MAGT1: variants seen among roughly 807,000 people sequenced by gnomAD.
The protein encoded by MAGT1 is dolichyl-diphosphooligosaccharide--protein glycosyltransferase subunit MAGT1.
A neutral mutation model predicts 28.4 loss-of-function variants in MAGT1; 4 were observed. The ratio of observed to expected loss-of-function variants is 0.14; its 90% CI spans 0.07 to 0.32. The LOEUF (loss-of-function observed/expected upper bound fraction) is 0.32. Ranked by LOEUF, MAGT1 falls within the 10% of genes least tolerant of loss-of-function variation. MAGT1 has a pLI of 1.00. For missense variants in MAGT1, 193 were observed against 264.5 expected, an observed-to-expected ratio of 0.73 and a Z score of 1.88; for synonymous variants, 89 against 89.7, an observed-to-expected ratio of 0.99 and a Z score of 0.04.
chrX:77,868,138 G>T (rs933769820), intron 3 of MAGT1: 1 of 66,708 alleles, frequency 1.5e-5, no homozygotes, highest in Admixed American at 2.0e-4. Context: ...GTTTAATTTG[G>T]GATATAATAA....
At chrX:77,858,849 T>A (rs1425922194) in intron 3 of MAGT1, among the ~76,000 whole-genome samples, 1 of 112,020 alleles carries the variant, frequency 8.9e-6, no homozygotes, top group Non-Finnish European at 1.9e-5. Flanking sequence ...GCCCAAATTT[T>A]AGGCCAAACT....
chrX:77,880,833 C>A lies in MAGT1; in HGVS notation c.103-5236G>T, dbSNP rs781816113. Among the ~76,000 whole-genome samples the A allele has an allele frequency of 2.8e-5, 3 of 108,306 alleles. No individual in the cohort carries two copies. The South Asian group carries it at 1.2e-3, about 44-fold the overall frequency. The allele number at this position is 108,306 out of a possible 115,157, so 94.1% of individuals were successfully genotyped here. A position where few individuals can be genotyped will look rare whatever the true frequency, so the allele number is the denominator to read the frequency against. Reference sequence around the variant, plus strand: ...GTTAGCTGGGCGTGGTGGCACATGTCTGTAGTCCCAGCTACCGGGGAGGCT... The same window carrying A: ...GTTAGCTGGGCGTGGTGGCACATGTATGTAGTCCCAGCTACCGGGGAGGCT... On this transcript the variant is annotated intron_variant, in intron 1 of 9. Coordinates refer to ENST00000618282, the MANE Select transcript of MAGT1 (RefSeq NM_001367916.1).
intron 1 of MAGT1, among the ~76,000 whole-genome samples, chrX:77,877,811 TCAAAATAAAA>T (rs1226546961): frequency 2.5e-5 from 2 of 81,041 alleles, no homozygotes; most frequent in African/African-American, 8.8e-5. Context: ...AGACTCTGTC[TCAAAATAAAA>T]TAAAATAAAA....
intron 5 of MAGT1, among the ~76,000 whole-genome samples, chrX:77,856,071 A>C (rs1408713432): frequency 9.0e-6 from 1 of 111,329 alleles, no homozygotes; most frequent in Non-Finnish European, 1.9e-5. Flanking sequence ...CCTGGCCAGG[A>C]AAACACTATT....
chrX:77,862,348 A>G (rs1022374091), intron 3 of MAGT1, among the ~76,000 whole-genome samples: 2 of 111,645 alleles, frequency 1.8e-5, no homozygotes, highest in Non-Finnish European at 3.8e-5. Context: ...AAACAAAAAT[A>G]GACAAATGGG....
intron 7 of MAGT1, among the ~76,000 whole-genome samples, chrX:77,850,484 A>AGGGGGG (rs35120738): frequency 5.9e-5 from 2 of 33,931 alleles, no homozygotes; most frequent in East Asian, 2.0e-3. Flanking sequence ...CAAAAAAAAA[A>AGGGGGG]GGGGGGGGGG....
chrX:77,850,484 A>G (rs1358398816), intron 7 of MAGT1, among the ~76,000 whole-genome samples: 16 of 33,929 alleles, frequency 4.7e-4, no homozygotes, highest in East Asian at 4.0e-3. Context: ...CAAAAAAAAA[A>G]GGGGGGGGGG....
chrX:77,890,860 A>G (rs2077080227), intron 1 of MAGT1, among the ~76,000 whole-genome samples: 1 of 111,454 alleles, frequency 9.0e-6, no homozygotes, highest in African/African-American at 3.3e-5. Flanking sequence ...TTGGGGGTGG[A>G]TTAAAGCATA....
At chrX:77,888,370 T>A (rs1369042128) in intron 1 of MAGT1, among the ~76,000 whole-genome samples, 4 of 111,249 alleles carry the variant, frequency 3.6e-5, no homozygotes, top group Non-Finnish European at 3.8e-5. Flanking sequence ...TTAAAGTCTT[T>A]CTCTTCTCTT....
chrX:77,873,482 G>A (rs1464637721), intron 2 of MAGT1, among the ~76,000 whole-genome samples: 1 of 112,247 alleles, frequency 8.9e-6, no homozygotes, highest in African/African-American at 3.2e-5. Context: ...ACACTAAAAA[G>A]CAAAAGCTAT....
In MAGT1 at chrX:77,853,334, A is replaced by G. The variant is rs781935175; in HGVS notation, c.826+567T>C. Among the ~76,000 whole-genome samples the G allele has an allele frequency of 8.9e-5, 10 of 112,357 alleles. No individual in the cohort carries two copies. The South Asian group carries it at 3.7e-3, about 41-fold the overall frequency. ...ATAGACTTCTTGCAATTATATGAGT[A>G]AAAATGAAATATTCTTGCTTGGCAG... On this transcript the variant is annotated intron_variant, in intron 7 of 9. Coordinates refer to ENST00000618282, the MANE Select transcript of MAGT1 (RefSeq NM_001367916.1).
At chrX:77,862,281 T>G (rs1603362274) in intron 3 of MAGT1, among the ~76,000 whole-genome samples, 1 of 111,020 alleles carries the variant, frequency 9.0e-6, no homozygotes, top group Non-Finnish European at 1.9e-5. Context: ...AGCTCTAAAA[T>G]AGAGTAATGG....
intron 9 of MAGT1, 65 bp downstream of exon 9, chrX:77,830,740 C>T: frequency 1.8e-6 from 1 of 561,838 alleles, no homozygotes; most frequent in Non-Finnish European, 2.8e-6. Context: ...TATTATAAAG[C>T]AATATCAACT....
intron 7 of MAGT1, among the ~76,000 whole-genome samples, chrX:77,843,380 G>A (rs1347064450): frequency 2.7e-5 from 3 of 111,395 alleles, no homozygotes; most frequent in Non-Finnish European, 3.8e-5. Context: ...AGGACTACAG[G>A]TGCATACCAC....
chrX:77,855,668 T>C, intron 5 of MAGT1, 78 bp from the exon 6 acceptor site: 1 of 749,036 alleles, frequency 1.3e-6, no homozygotes, highest in Non-Finnish European at 2.0e-6. Context: ...TATGAAAATG[T>C]GCATCTGTTT....
intron 8 of MAGT1, among the ~76,000 whole-genome samples, chrX:77,838,757 CG>C (rs2076926889): frequency 1.1e-5 from 1 of 88,553 alleles, no homozygotes. Flanking sequence ...GACTCCGTCT[CG>C]AAAAAAAAAA....
At chrX:77,843,236 T>A (rs1039013956) in intron 7 of MAGT1, among the ~76,000 whole-genome samples, 12 of 111,618 alleles carry the variant, frequency 1.1e-4, no homozygotes, top group South Asian at 3.7e-4. Context: ...TTAAATTTTT[T>A]AATTTAATTT....
chrX:77,839,096 G>C (rs1382722434), intron 8 of MAGT1, among the ~76,000 whole-genome samples: 1 of 108,724 alleles, frequency 9.2e-6, no homozygotes, highest in Non-Finnish European at 1.9e-5. Context: ...GACGTCAGGA[G>C]ATCAAGACCA....
rs1422839516 is a variant in MAGT1, at chrX:77,868,161, G to C, written c.390+2647C>G. 3.0e-5 allele frequency: 2 copies of C among 67,076 alleles called. 1 individual carries two copies. The highest frequency in any genetic ancestry group is 4.0e-4 in the Admixed American group (2 of 4,962). The allele number at this position is 67,076 out of a possible 1,213,427, so 5.5% of individuals were successfully genotyped here. ...TGGGATATAATAAATTTTTAGATTG[G>C]GAAGTCATTCATATGAAGATGTATA... On this transcript the variant is annotated intron_variant, in intron 3 of 9. Transcript: ENST00000618282.
Sources: allele counts gnomAD v4.1 joint callset (sites outside exome capture counted in the v4.1 genomes callset), GRCh38; gene constraint gnomAD v4.1.1; transcripts MANE v1.5; gene names NCBI Gene and HGNC (gene_info 2026-07-23, HGNC 2026-07-21).